The following BLOC1S2 variants were observed in gnomAD, a reference collection of about 807,000 sequenced individuals.
BLOC1S2 encodes the protein biogenesis of lysosomal organelles complex 1 subunit 2.
BLOC1S2 carries 12 observed loss-of-function variants against 19.6 expected under a neutral mutation model. The ratio of observed to expected loss-of-function variants is 0.61; its 90% confidence interval spans 0.39 to 0.99. The LOEUF (loss-of-function observed/expected upper bound fraction) is 0.99, where lower values mean the gene tolerates loss of function less well. Among genes scored for constraint, BLOC1S2 ranks in the 50% least tolerant of loss-of-function variants. The pLI, the probability that BLOC1S2 is intolerant of heterozygous loss-of-function variation, is 0.00. For missense variants in BLOC1S2, 142 were observed against 171.0 expected (o/e 0.83, Z 0.95); for synonymous variants, 66 against 64.1 (o/e 1.03, Z -0.14).
intron 4 of BLOC1S2, among the ~76,000 whole-genome samples, chr10:100,277,902 T>A (rs866884172): frequency 1.8e-4 from 7 of 39,490 alleles, no homozygotes; most frequent in East Asian, 7.4e-4. Flanking sequence ...GCCCCCCGCC[T>A]GGCCAGCCGC....
At chr10:100,286,243 C>T (rs1197765199) in intron 1 of BLOC1S2, 30 bp from the exon 2 acceptor site, 1 of 1,608,324 alleles carries the variant, frequency 6.2e-7, no homozygotes, top group Non-Finnish European at 8.5e-7. Context: ...CTAAGTGTCC[C>T]GCCTACACCC....
At chr10:100,286,430 C>T (rs1204434068) in intron 1 of BLOC1S2, 175 bp downstream of exon 1, 7 of 1,465,780 alleles carry the variant, frequency 4.8e-6, no homozygotes, top group South Asian at 1.4e-5. Context: ...CACCCCCGCT[C>T]ATCCTGGCAC....
chr10:100,277,291 G>C (rs1379703455), intron 4 of BLOC1S2, among the ~76,000 whole-genome samples: 2 of 151,824 alleles, frequency 1.3e-5, no homozygotes. Context: ...GGGAAGTGAG[G>C]AGCGTCTCCG....
Position 100,286,647 on chromosome 10 carries a change from C to G in BLOC1S2, c.13G>C (p.Ala5Pro). ...CTCCGGGTCGCCAGTACGCCCTCGG[C>G]TGCCGCCGCCATAGCGGACCCCGCG... MAAA[A>P]EGVLATRSDE... The change falls in exon 1 of 5, where the codon GCC becomes CCC. Residue 5 changes from alanine to proline, a missense_variant. Transcript: ENST00000370372. 6.2e-7 allele frequency: 1 copy of G among 1,609,858 alleles called. No individual in the cohort carries two copies. Among genetic ancestry groups the G allele is most frequent in the East Asian group, 2.2e-5 (1 of 44,824 alleles).
chr10:100,283,162 T>G (rs1270292538), intron 2 of BLOC1S2, among the ~76,000 whole-genome samples: 1 of 152,224 alleles, frequency 6.6e-6, no homozygotes, highest in Non-Finnish European at 1.5e-5. Flanking sequence ...CTCAGATACA[T>G]CTTGGTCTGC....
chr10:100,277,980 C>T (rs1456765487), intron 4 of BLOC1S2, among the ~76,000 whole-genome samples: 3 of 111,548 alleles, frequency 2.7e-5, no homozygotes, highest in Non-Finnish European at 5.6e-5. Flanking sequence ...CCCCTCTGCC[C>T]GGCCAGCCGC....
chr10:100,276,854 G>A (rs1847891988), intron 4 of BLOC1S2, among the ~76,000 whole-genome samples: 1 of 152,076 alleles, frequency 6.6e-6, no homozygotes, highest in African/African-American at 2.4e-5. Flanking sequence ...GCTCGCTATG[G>A]CCTCCACCTC....
chr10:100,283,263 C>T (rs1848154264), intron 2 of BLOC1S2, among the ~76,000 whole-genome samples: 1 of 152,132 alleles, frequency 6.6e-6, no homozygotes, highest in Non-Finnish European at 1.5e-5. Context: ...TTCCTTTTAC[C>T]ACCACTCTGC....
intron 4 of BLOC1S2, among the ~76,000 whole-genome samples, chr10:100,277,757 C>T (rs1201102336): frequency 5.0e-5 from 6 of 119,718 alleles, no homozygotes; most frequent in Admixed American, 8.1e-5. Flanking sequence ...AGGTGAGGGG[C>T]GCCTCTGCCT....
rs1270493508 is a variant in BLOC1S2 at position 100,273,893 on chromosome 10, G to A, written c.*1569C>T. 1 of 151,916 alleles carries A rather than the reference G, an allele frequency of 6.6e-6. No individual in the cohort carries two copies. The highest frequency in any genetic ancestry group is 1.9e-4 in the East Asian group (1 of 5,180). The allele number at this position is 151,916 out of a possible 1,614,324, so 9.4% of individuals were successfully genotyped here. Reference sequence around the variant, plus strand: ...CGGAAAAGGAAAAGGGTTGGAAGAAGGGGTAAGACTGATTCTATGTTAAGA... The same window carrying A: ...CGGAAAAGGAAAAGGGTTGGAAGAAAGGGTAAGACTGATTCTATGTTAAGA... On this transcript the variant is annotated 3_prime_UTR_variant, in exon 5 of 5. Transcript: ENST00000370372.
chr10:100,283,003 A>G (rs1564874200), intron 2 of BLOC1S2: 1 of 398,482 alleles, frequency 2.5e-6, no homozygotes, highest in Admixed American at 4.4e-5. Context: ...GCTCTGATCA[A>G]TCTCTGAGCT....
intron 4 of BLOC1S2, among the ~76,000 whole-genome samples, chr10:100,278,208 T>TGG (rs1226104979): frequency 1.4e-5 from 2 of 139,720 alleles, no homozygotes; most frequent in African/African-American, 5.5e-5. Flanking sequence ...GGGAGGGAGG[T>TGG]GGGGGGGTCA....
At chr10:100,280,273 CAA>C (rs1564873274) in intron 3 of BLOC1S2, 45 bp from the exon 4 acceptor site, 1 of 1,505,520 alleles carries the variant, frequency 6.6e-7, no homozygotes, top group Non-Finnish European at 9.1e-7. Flanking sequence ...GCTTTATTAA[CAA>C]AGAATATAGG....
intron 2 of BLOC1S2, chr10:100,282,861 G>A (rs1848142680): frequency 5.0e-6 from 2 of 398,558 alleles, no homozygotes; most frequent in Non-Finnish European, 8.8e-6. Context: ...CAAATTAAGT[G>A]CACCATACAG....
chr10:100,275,835 G>A (rs1415239878), intron 4 of BLOC1S2, among the ~76,000 whole-genome samples: 1 of 152,174 alleles, frequency 6.6e-6, no homozygotes. Flanking sequence ...TGTCCCAGGT[G>A]CCCTCTGGAA....
intron 2 of BLOC1S2, 98 bp from the exon 3 acceptor site, chr10:100,281,151 G>A: frequency 6.8e-7 from 1 of 1,461,026 alleles, no homozygotes; most frequent in Non-Finnish European, 9.4e-7. Flanking sequence ...GCAGGACCAA[G>A]GAAGTGTCAA....
chr10:100,285,060 C>T lies in BLOC1S2; in HGVS notation c.172+1037G>A, dbSNP rs201671846. 3.2e-4 allele frequency among the ~76,000 whole-genome samples: 47 copies of T among 148,254 alleles called. No homozygotes were observed. The East Asian group carries it at 8.5e-3, about 27-fold the overall frequency. On this transcript the variant is annotated intron_variant, in intron 2 of 4. Transcript: ENST00000370372. Reference sequence around the variant, plus strand: ...CCAGCCCAGGCAACATAGTGAGACCCTGTCTCTTAAAAACAGAAAAAGAAA... The same window carrying T: ...CCAGCCCAGGCAACATAGTGAGACCTTGTCTCTTAAAAACAGAAAAAGAAA...
At chr10:100,277,658 G>A (rs1847947710) in intron 4 of BLOC1S2, among the ~76,000 whole-genome samples, 1 of 139,288 alleles carries the variant, frequency 7.2e-6, no homozygotes, top group Non-Finnish European at 1.6e-5. Context: ...AGGGAGGTGG[G>A]GGGCTCAGCC....
At chr10:100,275,553 A>AG in intron 4 of BLOC1S2, 60 bp from the exon 5 acceptor site, 1 of 1,483,924 alleles carries the variant, frequency 6.7e-7, no homozygotes, top group Non-Finnish European at 9.2e-7. Context: ...GACAGTTTTT[A>AG]GTTAGCATTT....
Sources: allele counts gnomAD v4.1 joint callset (sites outside exome capture counted in the v4.1 genomes callset), GRCh38; gene constraint gnomAD v4.1.1; transcripts MANE v1.5; gene names NCBI Gene and HGNC (gene_info 2026-07-23, HGNC 2026-07-21).